Variants in ANKFN1 observed in about 807,000 individuals in gnomAD.
The protein encoded by ANKFN1 is ankyrin repeat and fibronectin type-III domain-containing protein 1.
In ANKFN1, 74 loss-of-function variants were observed where a neutral mutation model predicts 108.7. The observed-to-expected ratio is 0.68, with a 90% CI of 0.56 to 0.83. ANKFN1 has a LOEUF of 0.83. Among genes scored for constraint, ANKFN1 ranks in the 40% least tolerant of loss-of-function variants. The pLI, the probability that ANKFN1 is intolerant of heterozygous loss-of-function variation, is 0.00. For synonymous variants in ANKFN1, 547 were observed against 516.2 expected (o/e 1.06, Z -0.81); for missense variants, 1,505 against 1,382.3 (o/e 1.09, Z -1.41).
intron 1 of ANKFN1, among the ~76,000 whole-genome samples, chr17:56,194,943 C>T (rs7221676): frequency 0.16 from 24,356 of 152,148 alleles, 2,175 homozygotes; most frequent in East Asian, 0.3. Flanking sequence ...CATCCTTTCC[C>T]TCCTTCCTAT....
At chr17:56,059,333 C>T (rs1567779264) in intron 4 of ANKFN1, among the ~76,000 whole-genome samples, 1 of 152,018 alleles carries the variant, frequency 6.6e-6, no homozygotes, top group Non-Finnish European at 1.5e-5. Flanking sequence ...GGATATTAGA[C>T]CTTTGTCAGA....
intron 4 of ANKFN1, among the ~76,000 whole-genome samples, chr17:56,110,566 G>T (rs938970862): frequency 1.5e-5 from 2 of 132,686 alleles, no homozygotes; most frequent in Non-Finnish European, 3.1e-5. Context: ...AATATAATAG[G>T]CTCTCAATAA....
chr17:56,464,360 A>C (rs2050007428), intron 14 of ANKFN1, among the ~76,000 whole-genome samples: 1 of 152,338 alleles, frequency 6.6e-6, no homozygotes, highest in African/African-American at 2.4e-5. Context: ...TCTTAATGAT[A>C]ATACAATATG....
chr17:56,495,306 C>G (rs79316193), intron 19 of ANKFN1, among the ~76,000 whole-genome samples: 2 of 142,432 alleles, frequency 1.4e-5, no homozygotes, highest in African/African-American at 5.1e-5. Context: ...TTTATGTTGA[C>G]TTTGTGGTCT....
intron 1 of ANKFN1, among the ~76,000 whole-genome samples, chr17:56,169,492 A>C (rs1295750461): frequency 6.6e-6 from 1 of 152,120 alleles, no homozygotes; most frequent in Non-Finnish European, 1.5e-5. Flanking sequence ...CTGGTTTCCA[A>C]CTTTTGGCCT....
chr17:56,244,678 T>C (rs941895330), intron 3 of ANKFN1, among the ~76,000 whole-genome samples: 3 of 152,114 alleles, frequency 2.0e-5, no homozygotes, highest in African/African-American at 7.2e-5. Flanking sequence ...CATTGCTGGT[T>C]CCAGACAACC....
At chr17:56,468,451 G>A (rs1231333405) in intron 15 of ANKFN1, among the ~76,000 whole-genome samples, 5 of 151,500 alleles carry the variant, frequency 3.3e-5, no homozygotes, top group Non-Finnish European at 5.9e-5. Context: ...CAGTGATAGG[G>A]ATGAATTGTA....
At chr17:56,370,282 G>A (rs541379449) in intron 6 of ANKFN1, among the ~76,000 whole-genome samples, 4 of 152,124 alleles carry the variant, frequency 2.6e-5, no homozygotes, top group Non-Finnish European at 5.9e-5. Context: ...TGCATCTAAA[G>A]CCTAGAAGGA....
intron 4 of ANKFN1, among the ~76,000 whole-genome samples, chr17:56,140,177 C>T (rs1907835293): frequency 6.6e-6 from 1 of 152,234 alleles, no homozygotes; most frequent in Non-Finnish European, 1.5e-5. Flanking sequence ...ATCAATGGCA[C>T]TGCTGTTTCC....
At position 56,265,978 on chromosome 17, in the gene ANKFN1, G is replaced by A. The variant is rs183808118; in HGVS notation, c.53+38021G>A. Among the ~76,000 whole-genome samples, 73 of 152,210 alleles carry A rather than the reference G, an allele frequency of 4.8e-4. No homozygotes were observed. In the East Asian group the frequency reaches 0.012, roughly 26 times the overall value. ...GTCAAAGGGCATATTATCTGATAGG[G>A]GAGGCACACATGTAAAAAGGTCTCT... On this transcript the variant is annotated intron_variant, in intron 3 of 20. Transcript: ENST00000682825.
rs1567722341 is a variant in ANKFN1 at position 56,514,071 on chromosome 17, GT to G, written c.*2805del. ...TGTTTTATTTTATTGTTTTTGTTTT[GT>G]TTAATTTTGGATACAATGGATTTTT... On this transcript the variant is annotated 3_prime_UTR_variant, in exon 21 of 21. Transcript: ENST00000682825. Among the ~76,000 whole-genome samples, 1 of 152,106 alleles carries G rather than the reference GT, an allele frequency of 6.6e-6. No individual in the cohort carries two copies. Among genetic ancestry groups the G allele is most frequent in the East Asian group, 1.9e-4 (1 of 5,184 alleles).
chr17:56,106,550 TG>T (rs1339166033), intron 4 of ANKFN1, among the ~76,000 whole-genome samples: 1 of 152,186 alleles, frequency 6.6e-6, no homozygotes, highest in Non-Finnish European at 1.5e-5. Flanking sequence ...AATTAATCTG[TG>T]GGTTCATTTT....
At chr17:56,057,013 C>A (rs1006857537) in intron 4 of ANKFN1, among the ~76,000 whole-genome samples, 1 of 152,198 alleles carries the variant, frequency 6.6e-6, no homozygotes, top group Non-Finnish European at 1.5e-5. Flanking sequence ...TTTTCAAAAT[C>A]CTTTGTTGTC....
At chr17:56,152,260 ATATGTGTGTGTGTGTGTGTG>A (rs1390447560), upstream of ANKFN1, among the ~76,000 whole-genome samples, 11 of 128,626 alleles carry the variant, frequency 8.6e-5, no homozygotes, top group Non-Finnish European at 1.5e-4. Context: ...ATATATATAT[ATATGTGTGTGTGTGTGTGTG>A]TGTGTGTGTG....
chr17:56,371,311 G>T (rs1598474750), intron 6 of ANKFN1, among the ~76,000 whole-genome samples: 1 of 152,072 alleles, frequency 6.6e-6, no homozygotes, highest in African/African-American at 2.4e-5. Context: ...ATTTTTCATT[G>T]ACCTCGTCTG....
At chr17:56,127,110 A>G (rs1471706290) in intron 4 of ANKFN1, among the ~76,000 whole-genome samples, 1 of 152,196 alleles carries the variant, frequency 6.6e-6, no homozygotes, top group Non-Finnish European at 1.5e-5. Context: ...TATATTGAAT[A>G]CCATTAGAAG....
intron 3 of ANKFN1, among the ~76,000 whole-genome samples, chr17:56,294,684 G>A (rs1443495105): frequency 1.3e-5 from 2 of 152,332 alleles, no homozygotes; most frequent in African/African-American, 4.8e-5. Flanking sequence ...CTGCTTGTTT[G>A]TGTCATTCAG....
At chr17:56,112,204 A>C (rs1042742348) in intron 4 of ANKFN1, among the ~76,000 whole-genome samples, 4 of 152,186 alleles carry the variant, frequency 2.6e-5, no homozygotes, top group African/African-American at 9.7e-5. Flanking sequence ...GCATTGTATA[A>C]TTCCAGAGCT....
In ANKFN1 at chr17:56,221,863, G is replaced by C. The variant is rs149048365; in HGVS notation, c.13-6054G>C. 3.4e-3 allele frequency among the ~76,000 whole-genome samples: 519 copies of C among 152,316 alleles called. 2 individuals are homozygous for C. Among genetic ancestry groups the C allele is most frequent in the Non-Finnish European group, 5.5e-3 (374 of 68,028 alleles). On this transcript the variant is annotated intron_variant, in intron 2 of 20. Coordinates refer to ENST00000682825, the MANE Select transcript of ANKFN1 (RefSeq NM_001370326.1). ...CACCATCATTTACAGGGCTGGGGAA[G>C]GTGAGGGCACTGAAGCCTGGGAAAA...
Sources: gnomAD v4.1 joint callset for allele counts (sites outside exome capture counted in the v4.1 genomes callset) on GRCh38, gnomAD v4.1.1 for gene constraint, MANE v1.5 for transcripts, NCBI Gene and HGNC (gene_info 2026-07-23, HGNC 2026-07-21) for gene names.